The following TTC7B variants were observed in gnomAD, a reference collection of about 807,000 sequenced individuals.
The protein encoded by TTC7B is tetratricopeptide repeat domain 7B, also known as tetratricopeptide repeat protein 7B.
Under a neutral mutation model 106.8 loss-of-function variants are expected in TTC7B, and 28 were observed. That is an observed-to-expected ratio of 0.26 (90% CI 0.19 to 0.36). TTC7B has a LOEUF of 0.36. Ranked by LOEUF, TTC7B falls within the 10% of genes least tolerant of loss-of-function variation. The probability of loss-of-function intolerance (pLI) is 1.00; values close to 1 mark genes in which losing one functional copy is unlikely to be tolerated. For missense variants in TTC7B, 862 were observed against 1,076.4 expected (o/e 0.80, Z 2.79); for synonymous variants, 405 against 430.6 (o/e 0.94, Z 0.74).
chr14:90,553,546 C>A (rs1890177412), intron 19 of TTC7B, among the ~76,000 whole-genome samples: 1 of 152,174 alleles, frequency 6.6e-6, no homozygotes, highest in African/African-American at 2.4e-5. Flanking sequence ...ACAGTCTGAA[C>A]TGTTGGTTAA....
rs778028326 is a variant in TTC7B, at chr14:90,608,227, G to A, written c.1966+2515C>T. The stretch of plus-strand genomic sequence containing the variant: ...CCATTTTTAGGCAAGCCTTCCCAAC[G>A]TGTAAGTTTCTTTGATTGACACTGT... On this transcript the variant is annotated intron_variant, in intron 17 of 19. Transcript: ENST00000328459. The surrounding 1 kb of genome is among the most constrained non-coding windows in gnomAD (Gnocchi z 5.1). 9.9e-5 allele frequency among the ~76,000 whole-genome samples: 15 copies of A among 152,140 alleles called. No homozygotes were observed. Among genetic ancestry groups the A allele is most frequent in the Admixed American group, 2.6e-4 (4 of 15,264 alleles).
chr14:90,701,794 G>GTATATA (rs1365407194), intron 5 of TTC7B, among the ~76,000 whole-genome samples: 13 of 124,886 alleles, frequency 1.0e-4, no homozygotes, highest in African/African-American at 4.5e-4. Flanking sequence ...GTGTGTGTGT[G>GTATATA]TGTATATATA....
At chr14:90,707,608 T>TA (rs1174392497) in intron 5 of TTC7B, among the ~76,000 whole-genome samples, 1 of 152,054 alleles carries the variant, frequency 6.6e-6, no homozygotes, top group Non-Finnish European at 1.5e-5. Flanking sequence ...ACACAAATGA[T>TA]AAAAATAATT....
chr14:90,766,979 A>G (rs1890704863), intron 3 of TTC7B: 4 of 1,351,016 alleles, frequency 3.0e-6, no homozygotes, highest in African/African-American at 2.9e-5. Context: ...GGTGTGTCCA[A>G]GAAGAAATAA....
intron 15 of TTC7B, among the ~76,000 whole-genome samples, chr14:90,621,152 G>A (rs1287881859): frequency 6.6e-6 from 1 of 152,112 alleles, no homozygotes; most frequent in Admixed American, 6.5e-5. Flanking sequence ...TGGGACGATA[G>A]GCAGAAGCCA....
chr14:90,702,036 T>C (rs1179057267), intron 5 of TTC7B, among the ~76,000 whole-genome samples: 1 of 152,116 alleles, frequency 6.6e-6, no homozygotes, highest in East Asian at 1.9e-4. Context: ...ATAAGGATTG[T>C]CCTTCACCCG....
At chr14:90,626,509 C>T (rs1396443481) in intron 15 of TTC7B, among the ~76,000 whole-genome samples, 5 of 152,154 alleles carry the variant, frequency 3.3e-5, no homozygotes, top group African/African-American at 1.2e-4. Context: ...CATACTGTCA[C>T]CCCCATAAAG....
At chr14:90,684,562 C>T (rs1887182083) in intron 7 of TTC7B, among the ~76,000 whole-genome samples, 1 of 152,068 alleles carries the variant, frequency 6.6e-6, no homozygotes, top group South Asian at 2.1e-4. Flanking sequence ...AAAAACACTG[C>T]TACATGAAGA....
chr14:90,657,835 G>C lies in TTC7B; in HGVS notation c.1236+469C>G. The C allele has an allele frequency of 5.2e-6, 1 of 190,496 alleles. No homozygotes were observed. Among genetic ancestry groups the C allele is most frequent in the Non-Finnish European group, 1.1e-5 (1 of 90,268 alleles). 11.8% of individuals were successfully genotyped at this position (190,496 alleles called of 1,614,324 possible). On this transcript the variant is annotated intron_variant, in intron 10 of 19. Transcript: ENST00000328459. The surrounding 1 kb of genome is among the most constrained non-coding windows in gnomAD (Gnocchi z 4.2). Reference sequence around the variant, plus strand: ...TCCATTTTACCGAGGAAACTGAGCTGCTCAGTAACTTGCCTGGGTCACTCA... The same window carrying C: ...TCCATTTTACCGAGGAAACTGAGCTCCTCAGTAACTTGCCTGGGTCACTCA...
rs138496782 is a variant in TTC7B at position 90,708,278 on chromosome 14, T to A, written c.699-12700A>T. 1.6e-3 allele frequency among the ~76,000 whole-genome samples: 248 copies of A among 152,208 alleles called. 2 individuals carry two copies. Among genetic ancestry groups the A allele is most frequent in the African/African-American group, 5.5e-3 (228 of 41,508 alleles). ...CCTATAGTAAACAACAGATTTTCAATGTAGATGAAACAGCCTTCTATTGGA... is the reference window on the plus strand; with the variant it reads ...CCTATAGTAAACAACAGATTTTCAAAGTAGATGAAACAGCCTTCTATTGGA... On this transcript the variant is annotated intron_variant, in intron 5 of 19. Transcript: ENST00000328459.
chr14:90,542,783 T>C (rs1425688856), intron 19 of TTC7B, among the ~76,000 whole-genome samples: 1 of 152,128 alleles, frequency 6.6e-6, no homozygotes, highest in Non-Finnish European at 1.5e-5. Flanking sequence ...TGAGCTCCTT[T>C]TAGTGGCCCT....
rs1890978285 is a variant in TTC7B at position 90,570,249 on chromosome 14, T to C, written c.2310+7857A>G. On this transcript the variant is annotated intron_variant, in intron 19 of 19. Transcript: ENST00000328459. The surrounding 1 kb of genome is among the most constrained non-coding windows in gnomAD (Gnocchi z 4.0). ...TTCCATTAATCAGCCTGACCAAGCC[T>C]CGTGATCTCATGTCAAATCACATGG... Among the ~76,000 whole-genome samples the C allele has an allele frequency of 6.6e-6, 1 of 152,194 alleles. No individual in the cohort carries two copies. The highest frequency in any genetic ancestry group is 2.1e-4 in the South Asian group (1 of 4,834).
At chr14:90,769,311 A>T (rs1327695444) in intron 3 of TTC7B, among the ~76,000 whole-genome samples, 1 of 152,258 alleles carries the variant, frequency 6.6e-6, no homozygotes, top group Non-Finnish European at 1.5e-5. Flanking sequence ...TTACAGAAGT[A>T]AGTCCCTTAT....
At position 90,524,797 on chromosome 14, in the gene TTC7B, C is replaced by T. The variant is rs1166375843; in HGVS notation, c.*16571G>A. ...GGTCTCCTCCTAAGCCTGGAGCTCT[C>T]AGGTGGTGCAAGGCACACGGGGATC... On this transcript the variant is annotated 3_prime_UTR_variant, in exon 20 of 20. Transcript: ENST00000328459. 6.6e-6 allele frequency: 1 copy of T among 152,052 alleles called. No individual in the cohort carries two copies. Among genetic ancestry groups the T allele is most frequent in the African/African-American group, 2.4e-5 (1 of 41,406 alleles). The allele number at this position is 152,052 out of a possible 1,614,324, so 9.4% of individuals were successfully genotyped here.
intron 19 of TTC7B, among the ~76,000 whole-genome samples, chr14:90,576,810 A>G (rs1281697438): frequency 6.6e-6 from 1 of 152,230 alleles, no homozygotes; most frequent in African/African-American, 2.4e-5. Context: ...ATTTTGCAAC[A>G]TTACTATGAG....
chr14:90,780,525 C>T (rs2140035634), intron 3 of TTC7B, among the ~76,000 whole-genome samples: 1 of 146,542 alleles, frequency 6.8e-6, no homozygotes, highest in Non-Finnish European at 1.5e-5. Context: ...TTCCTTCATC[C>T]CCTTCAGTGA....
At chr14:90,646,885 A>G (rs1595242119) in intron 14 of TTC7B, 66 bp downstream of exon 14, 1 of 1,398,650 alleles carries the variant, frequency 7.1e-7, no homozygotes, top group East Asian at 2.3e-5. Flanking sequence ...CTTCAAACTG[A>G]AGAGCTGAAG....
Position 90,621,291 on chromosome 14 carries a change from C to T in TTC7B, c.1752-3246G>A, listed in dbSNP as rs116168394. Among the ~76,000 whole-genome samples, 722 of 136,932 alleles carry T rather than the reference C, an allele frequency of 5.3e-3. 3 individuals carry two copies. The highest frequency in any genetic ancestry group is 0.019 in the African/African-American group (665 of 35,370). 89.8% of individuals were successfully genotyped at this position (136,932 alleles called of 152,430 possible). ...CAGAGGCCACGGGGTACAGCCGGGA[C>T]GATAGGCAGAGGCCACGCGGGTACA... On this transcript the variant is annotated intron_variant, in intron 15 of 19. Coordinates refer to ENST00000328459, the MANE Select transcript of TTC7B (RefSeq NM_001010854.2).
intron 15 of TTC7B, among the ~76,000 whole-genome samples, chr14:90,621,315 C>T (rs1224328844): frequency 2.1e-5 from 3 of 145,836 alleles, no homozygotes; most frequent in African/African-American, 7.8e-5. Flanking sequence ...CACGCGGGTA[C>T]AGCCGGGACG....
Sources: allele counts gnomAD v4.1 joint callset (sites outside exome capture counted in the v4.1 genomes callset), GRCh38; gene constraint gnomAD v4.1.1; non-coding constraint Gnocchi (gnomAD v3.1); transcripts MANE v1.5; gene names NCBI Gene and HGNC (gene_info 2026-07-23, HGNC 2026-07-21).